Variants in CCDC7 observed in about 807,000 individuals in gnomAD.
The protein encoded by CCDC7 is coiled-coil domain-containing protein 7.
In CCDC7, 183 loss-of-function variants were observed where a neutral mutation model predicts 196.9. That is an observed-to-expected ratio of 0.93 (90% confidence interval 0.82 to 1.05). The LOEUF (loss-of-function observed/expected upper bound fraction) is 1.05. CCDC7 is among the 50% of genes least tolerant of loss of function. The probability of loss-of-function intolerance (pLI) is 0.00; values close to 1 mark genes in which losing one functional copy is unlikely to be tolerated. For synonymous variants in CCDC7, 525 were observed against 484.6 expected (o/e 1.08, Z -1.10); for missense variants, 1,540 against 1,482.2 (o/e 1.04, Z -0.64).
exon 1 of CCDC7, chr10:32,446,174 G>C (rs929215642): frequency 6.6e-6 from 1 of 152,184 alleles, no homozygotes. Context: ...CGGGTGCCCG[G>C]CGGTCTTTGC....
intron 41 of CCDC7, among the ~76,000 whole-genome samples, chr10:32,861,115 C>CA (rs142801821): frequency 0.36 from 34,553 of 96,958 alleles, 6,571 homozygotes; most frequent in East Asian, 0.57. Flanking sequence ...CAATCATAAG[C>CA]AAAAAAAAAA....
At chr10:32,733,463 G>T (rs1264041158) in intron 28 of CCDC7, among the ~76,000 whole-genome samples, 1 of 152,050 alleles carries the variant, frequency 6.6e-6, no homozygotes, top group Non-Finnish European at 1.5e-5. Flanking sequence ...CAAATCTCCA[G>T]CTAAGATATT....
intron 41 of CCDC7, among the ~76,000 whole-genome samples, chr10:32,873,029 T>C (rs1359578914): frequency 6.6e-6 from 1 of 152,114 alleles, no homozygotes; most frequent in African/African-American, 2.4e-5. Flanking sequence ...GATTTGCTCT[T>C]CTCGAGGAGT....
At chr10:32,559,876 G>A (rs902114556) in intron 13 of CCDC7, among the ~76,000 whole-genome samples, 1 of 152,154 alleles carries the variant, frequency 6.6e-6, no homozygotes, top group African/African-American at 2.4e-5. Context: ...ACTACTCTGA[G>A]CTACAGTAGG....
chr10:32,824,673 T>A, intron 32 of CCDC7, 69 bp downstream of exon 33: 1 of 1,008,032 alleles, frequency 9.9e-7, no homozygotes, highest in Non-Finnish European at 1.5e-6. Context: ...TATGTATCTC[T>A]AATGACAACA....
chr10:32,706,812 A>C (rs2079850449), intron 24 of CCDC7, among the ~76,000 whole-genome samples: 1 of 152,236 alleles, frequency 6.6e-6, no homozygotes, highest in South Asian at 2.1e-4. Context: ...AGGCTCTGAA[A>C]TAGAGGCAAT....
downstream of CCDC7, among the ~76,000 whole-genome samples, chr10:32,881,997 C>G (rs1183115478): frequency 2.6e-5 from 4 of 152,122 alleles, no homozygotes; most frequent in African/African-American, 9.7e-5. Context: ...TGATTGGACT[C>G]TACAGACAAT....
chr10:32,598,748 T>G (rs1327772660), intron 18 of CCDC7, among the ~76,000 whole-genome samples: 2 of 152,256 alleles, frequency 1.3e-5, no homozygotes, highest in Non-Finnish European at 2.9e-5. Context: ...TAATTTCTAG[T>G]TTTTAAAAAT....
Position 32,620,499 on chromosome 10 carries a change from AC to A in CCDC7, c.1802-13754del, listed in dbSNP as rs1300887147. ...TTTTTTCTGTTTTATAGTTACCCTC[AC>A]ATTGGATTTTTTTTTTGTGGGTAAT... On this transcript the variant is annotated intron_variant, in intron 18 of 41. Transcript: ENST00000639629. Among the ~76,000 whole-genome samples the A allele has an allele frequency of 2.0e-5, 3 of 150,718 alleles. No individual in the cohort carries two copies. In the East Asian group the frequency reaches 5.8e-4, roughly 29 times the overall value.
chr10:32,668,420 G>A (rs372116282), intron 21 of CCDC7, among the ~76,000 whole-genome samples: 2 of 152,240 alleles, frequency 1.3e-5, no homozygotes, highest in East Asian at 1.9e-4. Flanking sequence ...GATAGGAGTG[G>A]TGAGAGAGGG....
intron 20 of CCDC7, among the ~76,000 whole-genome samples, chr10:32,638,981 T>G (rs1170508628): frequency 6.6e-6 from 1 of 152,352 alleles, no homozygotes; most frequent in East Asian, 1.9e-4. Flanking sequence ...TTTGAAGAAT[T>G]TATCCATTTC....
At chr10:32,791,274 T>C (rs1373465454) in intron 29 of CCDC7, among the ~76,000 whole-genome samples, 2 of 150,628 alleles carry the variant, frequency 1.3e-5, no homozygotes, top group Non-Finnish European at 2.9e-5. Context: ...TCTATAAGTT[T>C]GGAAAGGAGA....
intron 9 of CCDC7, among the ~76,000 whole-genome samples, chr10:32,506,813 G>C (rs531261410): frequency 2.6e-5 from 4 of 151,238 alleles, no homozygotes; most frequent in Admixed American, 2.6e-4. Context: ...GATCATGGCA[G>C]TACAGTCCAG....
At chr10:32,682,647 C>T (rs2075998934) in intron 21 of CCDC7, among the ~76,000 whole-genome samples, 1 of 152,190 alleles carries the variant, frequency 6.6e-6, no homozygotes, top group Non-Finnish European at 1.5e-5. Flanking sequence ...TCTACAACCT[C>T]ACCAGCATCT....
At chr10:32,503,987 A>T (rs2044464444) in intron 9 of CCDC7, among the ~76,000 whole-genome samples, 1 of 151,236 alleles carries the variant, frequency 6.6e-6, no homozygotes, top group Non-Finnish European at 1.5e-5. Flanking sequence ...TTCTTTACTG[A>T]GGTTATTTGG....
intron 9 of CCDC7, among the ~76,000 whole-genome samples, chr10:32,516,524 T>C (rs1470574191): frequency 1.3e-5 from 2 of 152,068 alleles, no homozygotes; most frequent in Non-Finnish European, 2.9e-5. Context: ...CTGACCTCAG[T>C]TGATCTTCCT....
intron 24 of CCDC7, among the ~76,000 whole-genome samples, chr10:32,700,362 T>C (rs2078479190): frequency 6.7e-6 from 1 of 149,238 alleles, no homozygotes; most frequent in Non-Finnish European, 1.5e-5. Flanking sequence ...ATCAGATGGT[T>C]GTGGATATGT....
chr10:32,798,452 C>T (rs1230141149), intron 29 of CCDC7, among the ~76,000 whole-genome samples: 1 of 152,184 alleles, frequency 6.6e-6, no homozygotes, highest in African/African-American at 2.4e-5. Context: ...TGAGTGGTGT[C>T]CACAGAACGG....
chr10:32,545,474 T>TTAC (rs2052275016), intron 13 of CCDC7, among the ~76,000 whole-genome samples: 1 of 152,206 alleles, frequency 6.6e-6, no homozygotes, highest in Non-Finnish European at 1.5e-5. Context: ...TCAATGAGTG[T>TTAC]TACATGGTTT....
Sources: gnomAD v4.1 joint callset for allele counts (sites outside exome capture counted in the v4.1 genomes callset) on GRCh38, gnomAD v4.1.1 for gene constraint, MANE v1.5 for transcripts, NCBI Gene and HGNC (gene_info 2026-07-23, HGNC 2026-07-21) for gene names.